STON1: variants seen among roughly 807,000 people sequenced by gnomAD.
STON1 encodes the protein stonin-1.
STON1 carries 79 observed loss-of-function variants against 60.9 expected under a neutral mutation model. That is an observed-to-expected ratio of 1.30 (90% confidence interval 1.08 to 1.56). The LOEUF (loss-of-function observed/expected upper bound fraction) is 1.56, where lower values mean the gene tolerates loss of function less well. STON1 is among the 40% of genes most tolerant of loss of function. The pLI, the probability that STON1 is intolerant of heterozygous loss-of-function variation, is 0.00. For missense variants in STON1, 1,166 were observed against 858.9 expected, an observed-to-expected ratio of 1.36 and a Z score of -4.47; for synonymous variants, 363 against 306.9, an observed-to-expected ratio of 1.18 and a Z score of -1.91.
At chr2:48,552,172 G>T (rs1226938553) in intron 1 of STON1, among the ~76,000 whole-genome samples, 1 of 152,196 alleles carries the variant, frequency 6.6e-6, no homozygotes, top group African/African-American at 2.4e-5. Flanking sequence ...GCCTTAAAAA[G>T]GAATGAAATA....
chr2:48,552,932 G>GT (rs773687078), intron 1 of STON1, among the ~76,000 whole-genome samples: 7 of 152,268 alleles, frequency 4.6e-5, no homozygotes, highest in Non-Finnish European at 7.4e-5. Context: ...CAGCTGAGTG[G>GT]TTCTTGCTTG....
intron 1 of STON1, among the ~76,000 whole-genome samples, chr2:48,555,554 AC>A (rs1672311301): frequency 7.8e-5 from 2 of 25,720 alleles, no homozygotes; most frequent in Non-Finnish European, 7.3e-5. Flanking sequence ...TGGGGCTGAC[AC>A]CCCCACCTCC....
At chr2:48,578,575 TCC>T (rs1321726458) in intron 1 of STON1, among the ~76,000 whole-genome samples, 91 of 121,898 alleles carry the variant, frequency 7.5e-4, no homozygotes, top group Non-Finnish European at 1.2e-3. Context: ...CTCCTCCTCC[TCC>T]TTCCTTTTTT....
chr2:48,552,539 G>C (rs996439700), intron 1 of STON1, among the ~76,000 whole-genome samples: 4 of 152,100 alleles, frequency 2.6e-5, no homozygotes, highest in Admixed American at 1.3e-4. Flanking sequence ...GAGGTGGGCA[G>C]GTCTCCTGGG....
intron 1 of STON1, among the ~76,000 whole-genome samples, chr2:48,576,185 CTTTTTTTT>C (rs34849002): frequency 4.4e-4 from 28 of 63,076 alleles, no homozygotes; most frequent in Admixed American, 2.6e-3. Flanking sequence ...GTTTTCCTTT[CTTTTTTTT>C]TTTTTTTTTT....
intron 1 of STON1, among the ~76,000 whole-genome samples, chr2:48,575,707 C>G (rs183579241): frequency 6.7e-6 from 1 of 149,906 alleles, no homozygotes; most frequent in African/African-American, 2.5e-5. Context: ...TGGATAAATA[C>G]CCGTAAGTGG....
At chr2:48,548,796 G>A (rs190941908) in intron 1 of STON1, among the ~76,000 whole-genome samples, 16 of 152,144 alleles carry the variant, frequency 1.1e-4, no homozygotes, top group Admixed American at 2.0e-4. Flanking sequence ...CACCATGCCC[G>A]GCCTCATTTT....
chr2:48,573,262 C>G (rs1194297976), intron 1 of STON1, among the ~76,000 whole-genome samples: 2 of 152,154 alleles, frequency 1.3e-5, no homozygotes, highest in African/African-American at 2.4e-5. Context: ...ACTTGGGAGG[C>G]TGAGGCAGGA....
intron 1 of STON1, among the ~76,000 whole-genome samples, chr2:48,555,510 C>A (rs1470412347): frequency 1.2e-3 from 108 of 86,896 alleles, no homozygotes; most frequent in African/African-American, 5.0e-3. Context: ...CTGACCCCCC[C>A]ACCTCCCTCA....
At chr2:48,588,676 A>G (rs1014539990) in intron 2 of STON1, among the ~76,000 whole-genome samples, 2 of 152,142 alleles carry the variant, frequency 1.3e-5, no homozygotes, top group African/African-American at 2.4e-5. Flanking sequence ...CTAGTCTACT[A>G]TGTTCTAATT....
chr2:48,573,951 A>G (rs1415108471), intron 1 of STON1, among the ~76,000 whole-genome samples: 1 of 152,254 alleles, frequency 6.6e-6, no homozygotes, highest in East Asian at 1.9e-4. Flanking sequence ...TTCAGTTTAC[A>G]TAAAATGTCC....
At chr2:48,589,367 T>G (rs1674389895) in intron 2 of STON1, among the ~76,000 whole-genome samples, 1 of 152,190 alleles carries the variant, frequency 6.6e-6, no homozygotes, top group South Asian at 2.1e-4. Flanking sequence ...CAGTTCCCCC[T>G]GGTGGTCAGC....
intron 1 of STON1, among the ~76,000 whole-genome samples, chr2:48,532,193 C>G (rs1453012514): frequency 6.6e-6 from 1 of 151,848 alleles, no homozygotes; most frequent in Admixed American, 6.6e-5. Context: ...ATTAAAAATA[C>G]AAAAGCTAGC....
chr2:48,538,773 T>A (rs889747142), intron 1 of STON1, among the ~76,000 whole-genome samples: 1 of 148,486 alleles, frequency 6.7e-6, no homozygotes, highest in East Asian at 2.0e-4. Flanking sequence ...ATTTTTTTTT[T>A]TTTTTTTTTT....
At chr2:48,550,563 G>C (rs887436364) in intron 1 of STON1, among the ~76,000 whole-genome samples, 1 of 147,808 alleles carries the variant, frequency 6.8e-6, no homozygotes, top group African/African-American at 2.5e-5. Flanking sequence ...ATATGTGTGT[G>C]TATATATATA....
chr2:48,580,120 C>G (rs533267516), intron 1 of STON1, among the ~76,000 whole-genome samples: 15 of 152,218 alleles, frequency 9.9e-5, no homozygotes, highest in Admixed American at 6.5e-4. Context: ...GTTGGCCAGA[C>G]TGCTCTCGAA....
chr2:48,553,503 T>C, intron 1 of STON1, among the ~76,000 whole-genome samples: 1 of 152,084 alleles, frequency 6.6e-6, no homozygotes. Flanking sequence ...TTTCCTTTTT[T>C]TGAGGTGGAG....
chr2:48,540,383 A>G (rs746629855), intron 1 of STON1, among the ~76,000 whole-genome samples: 1 of 152,106 alleles, frequency 6.6e-6, no homozygotes, highest in Non-Finnish European at 1.5e-5. Flanking sequence ...GCAGGACTCT[A>G]ATGTTCCGCC....
At chr2:48,564,832 A>C (rs1672864750) in intron 1 of STON1, among the ~76,000 whole-genome samples, 1 of 145,946 alleles carries the variant, frequency 6.9e-6, no homozygotes, top group South Asian at 2.2e-4. Context: ...TCCTGGGTCC[A>C]AGTGATTCTC....
Sources: allele counts gnomAD v4.1 joint callset (sites outside exome capture counted in the v4.1 genomes callset), GRCh38; gene constraint gnomAD v4.1.1; transcripts MANE v1.5; gene names NCBI Gene and HGNC (gene_info 2026-07-23, HGNC 2026-07-21).